SLC15A2: variants seen among roughly 807,000 people sequenced by gnomAD.
SLC15A2 encodes solute carrier family 15 member 2.
SLC15A2 carries 77 observed loss-of-function variants against 95.5 expected under a neutral mutation model. The observed-to-expected ratio is 0.81, with a 90% confidence interval of 0.67 to 0.97. SLC15A2 has a LOEUF of 0.97. SLC15A2 is among the 50% of genes least tolerant of loss of function. The pLI is 0.00. For synonymous variants in SLC15A2, 306 were observed against 306.9 expected (o/e 1.00, Z 0.03); for missense variants, 893 against 874.4 (o/e 1.02, Z -0.27).
Position 121,896,427 on chromosome 3 carries a change from C to T in SLC15A2, c.127C>T (p.Pro43Ser). The part of the protein sequence containing the change: ...PSPTICGSNY[P>S]LSIAFIVVNE... ...ATAGACAATCTGTGGCTCCAACTATCCACTGAGCATTGCCTTCATTGTGGT... is the reference window on the plus strand; with the variant it reads ...ATAGACAATCTGTGGCTCCAACTATTCACTGAGCATTGCCTTCATTGTGGT... The change falls in exon 2 of 22, where the codon CCA becomes TCA. Residue 43 changes from proline to serine, a missense_variant. Transcript: ENST00000489711. The T allele has an allele frequency of 6.2e-7, 1 of 1,613,944 alleles. No homozygotes were observed. The highest frequency in any genetic ancestry group is 1.1e-5 in the South Asian group (1 of 91,084).
intron 3 of SLC15A2, among the ~76,000 whole-genome samples, chr3:121,904,051 G>A (rs1488651400): frequency 6.6e-6 from 1 of 152,162 alleles, no homozygotes; most frequent in Non-Finnish European, 1.5e-5. Context: ...AGTTCTCCTT[G>A]AAGAGGTCCT....
intron 3 of SLC15A2, among the ~76,000 whole-genome samples, chr3:121,908,738 T>A (rs542223588): frequency 6.6e-6 from 1 of 152,378 alleles, no homozygotes; most frequent in South Asian, 2.1e-4. Context: ...GCTTTTTATA[T>A]TCATATGGTG....
intron 7 of SLC15A2, among the ~76,000 whole-genome samples, chr3:121,917,991 A>G (rs1709928407): frequency 6.6e-6 from 1 of 152,250 alleles, no homozygotes; most frequent in Non-Finnish European, 1.5e-5. Flanking sequence ...ATAAGAAATT[A>G]GAACTTTATT....
chr3:121,915,373 C>A, intron 6 of SLC15A2, 56 bp downstream of exon 6: 1 of 1,165,882 alleles, frequency 8.6e-7, no homozygotes, highest in Non-Finnish European at 1.3e-6. Flanking sequence ...AGCCAAAAAG[C>A]TGTTCAAGGC....
chr3:121,924,478 T>G, intron 12 of SLC15A2, 95 bp downstream of exon 12: 1 of 1,161,580 alleles, frequency 8.6e-7, no homozygotes, highest in Non-Finnish European at 1.3e-6. Flanking sequence ...TTTGATGCTT[T>G]TCTCCTTGTA....
At chr3:121,916,638 A>G (rs6765799) in intron 7 of SLC15A2, among the ~76,000 whole-genome samples, 67,833 of 151,848 alleles carry the variant, frequency 0.45, 15,672 homozygotes, top group East Asian at 0.69. Context: ...TATTTGCATG[A>G]TAATAATATT....
intron 3 of SLC15A2, among the ~76,000 whole-genome samples, chr3:121,898,098 G>A (rs1468503910): frequency 2.0e-5 from 3 of 151,398 alleles, no homozygotes; most frequent in African/African-American, 7.3e-5. Flanking sequence ...GGAGGCAGAG[G>A]TTGCAGTGAG....
chr3:121,922,769 C>A lies in SLC15A2; in HGVS notation c.781-6C>A. ...TCTCTCCCATGATGTCTACTCTCTG[C>A]CCTAGTTTGCTATTTCCAATCGTTT... On this transcript the variant is annotated splice_polypyrimidine_tract_variant and splice_region_variant and intron_variant, in intron 8 of 21. Transcript: ENST00000489711. 2 of 1,610,864 alleles carry A rather than the reference C, an allele frequency of 1.2e-6. No homozygotes were observed. Among genetic ancestry groups the A allele is most frequent in the Non-Finnish European group, 1.7e-6 (2 of 1,177,394 alleles).
chr3:121,907,689 C>G (rs1415959963), intron 3 of SLC15A2, among the ~76,000 whole-genome samples: 3 of 152,224 alleles, frequency 2.0e-5, no homozygotes, highest in Non-Finnish European at 4.4e-5. Context: ...GTGGAGGCTG[C>G]AGAACAGCAA....
chr3:121,915,461 CA>C, intron 6 of SLC15A2, 144 bp downstream of exon 6: 1 of 794,854 alleles, frequency 1.3e-6, no homozygotes, highest in South Asian at 1.6e-5. Flanking sequence ...TTGTCTGGCC[CA>C]AAAGAAGAAC....
At chr3:121,936,043 A>C (rs1710339748) in intron 19 of SLC15A2, among the ~76,000 whole-genome samples, 1 of 152,190 alleles carries the variant, frequency 6.6e-6, no homozygotes, top group African/African-American at 2.4e-5. Flanking sequence ...ATTCAGGAGC[A>C]GGTTTTTCAG....
intron 12 of SLC15A2, 85 bp from the exon 13 acceptor site, chr3:121,924,858 CAG>C (rs1576684961): frequency 2.2e-6 from 2 of 921,154 alleles, no homozygotes; most frequent in Non-Finnish European, 1.8e-6. Context: ...AGATGTGAGA[CAG>C]AGTGTAAACA....
intron 19 of SLC15A2, among the ~76,000 whole-genome samples, chr3:121,937,653 G>A (rs959795557): frequency 2.0e-5 from 3 of 152,078 alleles, no homozygotes; most frequent in African/African-American, 7.2e-5. Flanking sequence ...GGTTATTTTA[G>A]TTATACATTC....
chr3:121,896,923 G>GTT (rs1576665993), intron 2 of SLC15A2, among the ~76,000 whole-genome samples: 1 of 149,080 alleles, frequency 6.7e-6, no homozygotes, highest in Admixed American at 6.7e-5. Flanking sequence ...AAAAAAAGGG[G>GTT]GGGGAGGGAA....
chr3:121,915,647 T>C lies in SLC15A2; in HGVS notation c.651T>C (p.Tyr217=). ...GDVQCFGEDC[Y]ALAFGVPGLL... Reference sequence around the variant, plus strand: ...TGCAATGTTTTGGAGAAGACTGCTATGCATTGGCTTTTGGAGTTCCAGGAC... The same window carrying C: ...TGCAATGTTTTGGAGAAGACTGCTACGCATTGGCTTTTGGAGTTCCAGGAC... Residue 217 remains tyrosine, a synonymous_variant, in exon 7 of 22, where the codon TAT becomes TAC. Transcript: ENST00000489711. The C allele has an allele frequency of 6.2e-7, 1 of 1,614,096 alleles. No homozygotes were observed. The highest frequency in any genetic ancestry group is 1.1e-5 in the South Asian group (1 of 91,082).
chr3:121,925,859 AAG>A (rs1412749941), intron 13 of SLC15A2, among the ~76,000 whole-genome samples: 1 of 147,762 alleles, frequency 6.8e-6, no homozygotes, highest in African/African-American at 2.5e-5. Flanking sequence ...AGAAAAGAAA[AAG>A]TCCCTCCCCT....
intron 3 of SLC15A2, among the ~76,000 whole-genome samples, chr3:121,905,252 T>G (rs1709611513): frequency 6.6e-6 from 1 of 152,214 alleles, no homozygotes. Context: ...TCTTCTTTAT[T>G]AGTCTTGCTA....
chr3:121,925,579 A>G (rs977548562), intron 13 of SLC15A2, among the ~76,000 whole-genome samples: 11 of 149,960 alleles, frequency 7.3e-5, no homozygotes, highest in Non-Finnish European at 1.5e-4. Context: ...TGTGATGACC[A>G]CTTTACCAGA....
chr3:121,927,510 T>C (rs1318771051), intron 13 of SLC15A2: 2 of 436,672 alleles, frequency 4.6e-6, no homozygotes, highest in Non-Finnish European at 8.3e-6. Flanking sequence ...ACCTTTGGCT[T>C]CTCCCATGAT....
Sources: allele counts gnomAD v4.1 joint callset (sites outside exome capture counted in the v4.1 genomes callset), GRCh38; gene constraint gnomAD v4.1.1; transcripts MANE v1.5; gene names NCBI Gene and HGNC (gene_info 2026-07-23, HGNC 2026-07-21).